GABRB1: variants seen among roughly 807,000 people sequenced by gnomAD.
GABRB1 encodes gamma-aminobutyric acid type A receptor subunit beta1.
A neutral mutation model predicts 51.6 loss-of-function variants in GABRB1; 17 were observed. That is an observed-to-expected ratio of 0.33 (90% CI 0.23 to 0.49). The LOEUF is 0.49. GABRB1 is among the 20% of genes least tolerant of loss of function. The probability of loss-of-function intolerance (pLI) is 0.99; values close to 1 mark genes in which losing one functional copy is unlikely to be tolerated. For missense variants in GABRB1, 410 were observed against 600.6 expected (o/e 0.68, Z 3.32); for synonymous variants, 247 against 218.9 (o/e 1.13, Z -1.14).
chr4:47,178,871 G>T (rs560568499), intron 4 of GABRB1, among the ~76,000 whole-genome samples: 13 of 152,090 alleles, frequency 8.5e-5, no homozygotes, highest in African/African-American at 2.9e-4. Flanking sequence ...GAGTCGCTTT[G>T]TTCCAGGTTC....
At chr4:47,003,297 T>C (rs957863176) in intron 1 of GABRB1, among the ~76,000 whole-genome samples, 2 of 152,222 alleles carry the variant, frequency 1.3e-5, no homozygotes, top group Non-Finnish European at 2.9e-5. Context: ...TTTTGTTATC[T>C]GTCTCTACAG....
chr4:47,261,233 A>G (rs1474356009), intron 4 of GABRB1, among the ~76,000 whole-genome samples: 1 of 152,200 alleles, frequency 6.6e-6, no homozygotes. Context: ...AGGGTATTCA[A>G]TTAGGAAAAG....
At chr4:47,385,589 G>A (rs1023711262) in intron 5 of GABRB1, among the ~76,000 whole-genome samples, 5 of 152,156 alleles carry the variant, frequency 3.3e-5, no homozygotes, top group African/African-American at 1.2e-4. Context: ...CCAAATGTTT[G>A]GGTTTGCCTC....
chr4:47,167,456 A>G (rs1275160664), intron 4 of GABRB1, among the ~76,000 whole-genome samples: 3 of 152,006 alleles, frequency 2.0e-5, no homozygotes, highest in South Asian at 2.1e-4. Context: ...CCTAGCCCCT[A>G]CAATTGCTTT....
At chr4:47,234,069 C>T (rs892041844) in intron 4 of GABRB1, among the ~76,000 whole-genome samples, 10 of 152,088 alleles carry the variant, frequency 6.6e-5, no homozygotes, top group Non-Finnish European at 1.3e-4. Context: ...CAGAATATTT[C>T]CTTGAGGGTG....
chr4:47,092,752 C>T (rs1048682459), intron 3 of GABRB1, among the ~76,000 whole-genome samples: 2 of 151,908 alleles, frequency 1.3e-5, no homozygotes, highest in African/African-American at 2.4e-5. Context: ...GCTGGGATTA[C>T]AGGTGCCCGC....
At chr4:47,082,083 A>G (rs1459923368) in intron 3 of GABRB1, among the ~76,000 whole-genome samples, 1 of 152,066 alleles carries the variant, frequency 6.6e-6, no homozygotes, top group Non-Finnish European at 1.5e-5. Context: ...AGGTAGTGAT[A>G]TAGATAATAT....
intron 4 of GABRB1, among the ~76,000 whole-genome samples, chr4:47,257,853 A>G (rs954029585): frequency 6.6e-5 from 10 of 151,988 alleles, no homozygotes; most frequent in African/African-American, 2.4e-4. Flanking sequence ...TAAAGATACT[A>G]GATGGCAACC....
At chr4:47,088,953 G>A (rs577788011) in intron 3 of GABRB1, among the ~76,000 whole-genome samples, 1 of 152,266 alleles carries the variant, frequency 6.6e-6, no homozygotes, top group African/African-American at 2.4e-5. Flanking sequence ...TCTTTGTCTT[G>A]TGTGCAAATC....
At chr4:47,231,065 C>G (rs748206533) in intron 4 of GABRB1, among the ~76,000 whole-genome samples, 1 of 152,138 alleles carries the variant, frequency 6.6e-6, no homozygotes, top group Non-Finnish European at 1.5e-5. Context: ...GGATAAGAGT[C>G]AAAATGCTGA....
At position 47,426,108 on chromosome 4, in the gene GABRB1, G is replaced by C; in HGVS notation, c.*90G>C. The C allele has an allele frequency of 9.5e-7, 1 of 1,047,972 alleles. No individual in the cohort carries two copies. Among genetic ancestry groups the C allele is most frequent in the Non-Finnish European group, 1.4e-6 (1 of 726,016 alleles). 64.9% of individuals were successfully genotyped at this position (1,047,972 alleles called of 1,614,324 possible). On this transcript the variant is annotated 3_prime_UTR_variant, in exon 9 of 9. Transcript: ENST00000295454. ...CCCAACAGCGATACTGCTGTTTCTC[G>C]AGGTAAGAGATTCAGCCATCCAATT... is the stretch of plus-strand genomic sequence containing the variant.
At chr4:47,151,653 T>G (rs1717462340) in intron 3 of GABRB1, among the ~76,000 whole-genome samples, 1 of 152,006 alleles carries the variant, frequency 6.6e-6, no homozygotes, top group Non-Finnish European at 1.5e-5. Flanking sequence ...TCTGCTCTTA[T>G]TTAGATATTG....
intron 4 of GABRB1, among the ~76,000 whole-genome samples, chr4:47,186,757 A>T (rs1719198222): frequency 6.6e-6 from 1 of 151,892 alleles, no homozygotes; most frequent in South Asian, 2.1e-4. Flanking sequence ...TAATTTCATG[A>T]TAGTAGGCTC....
intron 3 of GABRB1, among the ~76,000 whole-genome samples, chr4:47,078,929 A>G (rs1237167270): frequency 6.6e-6 from 1 of 152,178 alleles, no homozygotes; most frequent in Non-Finnish European, 1.5e-5. Flanking sequence ...CATTCAATAA[A>G]GAAGTAGGGT....
intron 4 of GABRB1, among the ~76,000 whole-genome samples, chr4:47,279,083 AATGGATGGATGGATGG>A (rs34567848): frequency 3.5e-4 from 51 of 147,384 alleles, no homozygotes; most frequent in African/African-American, 8.0e-4. Context: ...CTTTCTTAGG[AATGGATGGATGGATGG>A]ATGGATGGAT....
chr4:47,297,179 C>G lies in GABRB1; in HGVS notation c.462-22948C>G, dbSNP rs547626393. 2.1e-3 allele frequency among the ~76,000 whole-genome samples: 319 copies of G among 151,494 alleles called. 2 individuals are homozygous for G. The highest frequency in any genetic ancestry group is 3.0e-3 in the Non-Finnish European group (207 of 67,872). On this transcript the variant is annotated intron_variant, in intron 4 of 8. Coordinates refer to ENST00000295454, the MANE Select transcript of GABRB1 (RefSeq NM_000812.4). ...GCAGGAAAGATCCAAAATTGACACC[C>G]TAACATCACAATTAAAAGAACTAGA... is the stretch of plus-strand genomic sequence containing the variant.
intron 3 of GABRB1, among the ~76,000 whole-genome samples, chr4:47,037,916 C>A (rs942534672): frequency 6.6e-6 from 1 of 152,118 alleles, no homozygotes; most frequent in Non-Finnish European, 1.5e-5. Flanking sequence ...TGAAACCAGG[C>A]AGCCTGTCTC....
chr4:47,199,582 A>G (rs1187643581), intron 4 of GABRB1, among the ~76,000 whole-genome samples: 2 of 152,126 alleles, frequency 1.3e-5, no homozygotes, highest in Admixed American at 6.5e-5. Flanking sequence ...ACAGAGGACA[A>G]AATGAAAGAA....
chr4:47,191,039 GC>G (rs572785040), intron 4 of GABRB1, among the ~76,000 whole-genome samples: 12 of 152,168 alleles, frequency 7.9e-5, no homozygotes, highest in African/African-American at 2.9e-4. Flanking sequence ...TAAGCTCCCA[GC>G]AAAGCATTTA....
Sources: gnomAD v4.1 joint callset for allele counts (sites outside exome capture counted in the v4.1 genomes callset) on GRCh38, gnomAD v4.1.1 for gene constraint, MANE v1.5 for transcripts, NCBI Gene and HGNC (gene_info 2026-07-23, HGNC 2026-07-21) for gene names.